The following AFF4 variants were observed in gnomAD, a reference collection of about 807,000 sequenced individuals.
The protein encoded by AFF4 is ALF transcription elongation factor 4.
Under a neutral mutation model 124.8 loss-of-function variants are expected in AFF4, and 13 were observed. The ratio of observed to expected loss-of-function variants is 0.10; its 90% CI spans 0.07 to 0.17. The LOEUF (loss-of-function observed/expected upper bound fraction) is 0.17, where lower values mean the gene tolerates loss of function less well. Ranked by LOEUF, AFF4 falls within the 10% of genes least tolerant of loss-of-function variation. AFF4 has a pLI of 1.00. For synonymous variants in AFF4, 477 were observed against 496.1 expected, an observed-to-expected ratio of 0.96 and a Z score of 0.51; for missense variants, 1,092 against 1,403.8, an observed-to-expected ratio of 0.78 and a Z score of 3.55.
In AFF4 at chr5:132,934,735, T is replaced by C. The variant is rs764443824; in HGVS notation, c.330A>G (p.Pro110=). The change falls in exon 3 of 21, where the codon CCA becomes CCG. Residue 110 remains proline (P), a synonymous_variant. Coordinates refer to ENST00000265343, the MANE Select transcript of AFF4 (RefSeq NM_014423.4). ...GGSHQSSKWT[P]VGPAPSTSQS... Reference sequence around the variant, plus strand: ...GAGAAGTGCTGGGTGCGGGTCCTACTGGAGTCCATTTGCTACTCTGATGAG... The same window carrying C: ...GAGAAGTGCTGGGTGCGGGTCCTACCGGAGTCCATTTGCTACTCTGATGAG... 5 of 1,614,166 alleles carry C rather than the reference T, an allele frequency of 3.1e-6. No individual in the cohort carries two copies. The highest frequency in any genetic ancestry group is 4.2e-6 in the Non-Finnish European group (5 of 1,180,034).
At position 132,884,924 on chromosome 5, in the gene AFF4, T is replaced by C; in HGVS notation, c.3143+152A>G. 3 of 538,682 alleles carry C rather than the reference T, an allele frequency of 5.6e-6. No individual in the cohort carries two copies. The Admixed American group carries it at 1.1e-4, about 19-fold the overall frequency. 33.4% of individuals were successfully genotyped at this position (538,682 alleles called of 1,614,324 possible). The stretch of plus-strand genomic sequence containing the variant: ...ATTTATATTTTCAATTCCTAAAAAA[T>C]ACAGAGAAAAAATTATAACTTCTAA... On this transcript the variant is annotated intron_variant, in intron 19 of 20. Coordinates refer to ENST00000265343, the MANE Select transcript of AFF4 (RefSeq NM_014423.4).
At chr5:132,885,296 AATT>A (rs1391959165) in intron 18 of AFF4, among the ~76,000 whole-genome samples, 177 bp from the exon 19 acceptor site, 5 of 151,572 alleles carry the variant, frequency 3.3e-5, no homozygotes, top group African/African-American at 4.9e-5. Context: ...AAAAGAAATA[AATT>A]ATTAGGTGAG....
At position 132,915,572 on chromosome 5, in the gene AFF4, T is replaced by TG. The variant is rs553722862; in HGVS notation, c.1051-11169_1051-11168insC. Among the ~76,000 whole-genome samples the TG allele has an allele frequency of 6.1e-3, 883 of 145,418 alleles. 11 individuals are homozygous for TG. Among genetic ancestry groups the TG allele is most frequent in the Non-Finnish European group, 9.7e-3 (644 of 66,080 alleles). Reference sequence around the variant, plus strand: ...TGACCCACTTCTTTTTTTTGGGTTTTTTTTTTTTTTTTTGAGATGGAGTCT... The same window carrying TG: ...TGACCCACTTCTTTTTTTTGGGTTTTGTTTTTTTTTTTTTGAGATGGAGTCT... On this transcript the variant is annotated intron_variant, in intron 5 of 20. Coordinates refer to ENST00000265343, the MANE Select transcript of AFF4 (RefSeq NM_014423.4).
At chr5:132,955,006 T>G (rs960281211) in intron 1 of AFF4, among the ~76,000 whole-genome samples, 5 of 152,198 alleles carry the variant, frequency 3.3e-5, no homozygotes, top group African/African-American at 1.2e-4. Flanking sequence ...GGATGCTGAA[T>G]GCAGAGATTG....
intron 1 of AFF4, among the ~76,000 whole-genome samples, chr5:132,939,514 T>C (rs2150102599): frequency 6.6e-6 from 1 of 152,364 alleles, no homozygotes; most frequent in South Asian, 2.1e-4. Context: ...TCTTGGGCTA[T>C]GGTTCTGCCA....
chr5:132,927,326 T>C, intron 4 of AFF4, 119 bp from the exon 5 acceptor site: 2 of 786,032 alleles, frequency 2.5e-6, no homozygotes, highest in Non-Finnish European at 4.1e-6. Flanking sequence ...AAATTCTACA[T>C]ACTTAGTCAA....
intron 1 of AFF4, among the ~76,000 whole-genome samples, chr5:132,945,613 A>G (rs548987579): frequency 6.6e-6 from 1 of 152,192 alleles, no homozygotes; most frequent in East Asian, 1.9e-4. Context: ...TTAGCTGGGC[A>G]TGGTGGTGGG....
intron 6 of AFF4, 107 bp from the exon 7 acceptor site, chr5:132,902,594 T>C: frequency 1.1e-6 from 1 of 889,450 alleles, no homozygotes; most frequent in South Asian, 1.5e-5. Flanking sequence ...TGAAATATAA[T>C]TCTTCAACCA....
intron 9 of AFF4, among the ~76,000 whole-genome samples, chr5:132,898,644 C>T (rs565969224): frequency 3.3e-5 from 5 of 152,140 alleles, no homozygotes; most frequent in East Asian, 3.9e-4. Flanking sequence ...CCACCACGCC[C>T]GGCTAATTTC....
intron 10 of AFF4, among the ~76,000 whole-genome samples, chr5:132,897,474 G>A (rs891007894): frequency 5.3e-5 from 8 of 152,164 alleles, no homozygotes; most frequent in Admixed American, 4.6e-4. Flanking sequence ...CACTTTGGGA[G>A]GCTGAGGTGG....
chr5:132,930,734 A>C (rs2150095487), intron 4 of AFF4, among the ~76,000 whole-genome samples: 1 of 152,228 alleles, frequency 6.6e-6, no homozygotes, highest in Admixed American at 6.5e-5. Flanking sequence ...TCATTCACTA[A>C]TTCACTGGAC....
rs1453827363 is a variant in AFF4, at chr5:132,922,758, G to A, written c.1050+4363C>T. Among the ~76,000 whole-genome samples, 98 of 145,910 alleles carry A rather than the reference G, an allele frequency of 6.7e-4. 1 individual carries two copies. The highest frequency in any genetic ancestry group is 2.3e-3 in the African/African-American group (90 of 39,480). ...TCACGCCACTGCACTCCAGTCTGGC[G>A]GTAGAGCGAGACTCCATCTCAAAAA... On this transcript the variant is annotated intron_variant, in intron 5 of 20. Coordinates refer to ENST00000265343, the MANE Select transcript of AFF4 (RefSeq NM_014423.4).
intron 1 of AFF4, among the ~76,000 whole-genome samples, chr5:132,952,572 T>A (rs1034672097): frequency 2.0e-5 from 3 of 152,148 alleles, no homozygotes; most frequent in Non-Finnish European, 4.4e-5. Context: ...TCATTTTATA[T>A]CCTCTCCTTA....
Position 132,905,818 on chromosome 5 carries a change from G to A in AFF4, c.1051-1414C>T, listed in dbSNP as rs549207910. Among the ~76,000 whole-genome samples, 4 of 152,300 alleles carry A rather than the reference G, an allele frequency of 2.6e-5. 1 individual carries two copies. The East Asian group carries it at 7.7e-4, about 29-fold the overall frequency. Reference sequence around the variant, plus strand: ...AAATTAAGAACTTCTGTGCTTCAAAGATTGTTATCAAAAAAGTGAAAAGAC... The same window carrying A: ...AAATTAAGAACTTCTGTGCTTCAAAAATTGTTATCAAAAAAGTGAAAAGAC... On this transcript the variant is annotated intron_variant, in intron 5 of 20. Transcript: ENST00000265343.
At chr5:132,902,959 A>C (rs569782283) in intron 6 of AFF4, among the ~76,000 whole-genome samples, 2 of 152,230 alleles carry the variant, frequency 1.3e-5, no homozygotes, top group Non-Finnish European at 2.9e-5. Context: ...TTTAAGGTTA[A>C]ACAATGAGCT....
Position 132,934,190 on chromosome 5 carries a change from T to C in AFF4, c.875A>G (p.Lys292Arg), listed in dbSNP as rs530412955. 2 of 1,614,172 alleles carry C rather than the reference T, an allele frequency of 1.2e-6. No homozygotes were observed. The highest frequency in any genetic ancestry group is 1.1e-5 in the South Asian group (1 of 91,086). ...NSMTELKPSSKAHLTKLKIPS... is the reference protein window; with the variant it reads ...NSMTELKPSSRAHLTKLKIPS... ...TATTTTCAGCTTGGTGAGATGTGCTTTGCTGCTGGGCTTCAGCTCAGTCAT... is the reference window on the plus strand; with the variant it reads ...TATTTTCAGCTTGGTGAGATGTGCTCTGCTGCTGGGCTTCAGCTCAGTCAT... Residue 292 changes from lysine to arginine, a missense_variant, in exon 3 of 21, where the codon AAA becomes AGA. Transcript: ENST00000265343.
chr5:132,933,137 C>T (rs533399735), intron 3 of AFF4, among the ~76,000 whole-genome samples: 1 of 152,240 alleles, frequency 6.6e-6, no homozygotes, highest in Admixed American at 6.5e-5. Context: ...GTGGCTCACG[C>T]CTGTAATCCC....
In AFF4 at chr5:132,876,037, T is replaced by C. The variant is rs988561370; in HGVS notation, c.*5022A>G. 5 of 224,674 alleles carry C rather than the reference T, an allele frequency of 2.2e-5. No homozygotes were observed. The highest frequency in any genetic ancestry group is 1.1e-4 in the African/African-American group (5 of 44,850). The allele number at this position is 224,674 out of a possible 1,614,324, so 13.9% of individuals were successfully genotyped here. A position where few individuals can be genotyped will look rare whatever the true frequency, so the allele number is the denominator to read the frequency against. ...CAAATAAAAGGATTTTCAATAAATA[T>C]ATAAGCATTTCCATCCTCCATATAC... On this transcript the variant is annotated 3_prime_UTR_variant, in exon 21 of 21. Coordinates refer to ENST00000265343, the MANE Select transcript of AFF4 (RefSeq NM_014423.4).
chr5:132,876,945 T>C lies in AFF4; in HGVS notation c.*4114A>G, dbSNP rs1759853028. 1 of 197,820 alleles carries C rather than the reference T, an allele frequency of 5.1e-6. No individual in the cohort carries two copies. The highest frequency in any genetic ancestry group is 7.9e-5 in the East Asian group (1 of 12,608). 12.3% of individuals were successfully genotyped at this position (197,820 alleles called of 1,614,324 possible). A position where few individuals can be genotyped will look rare whatever the true frequency, so the allele number is the denominator to read the frequency against. On this transcript the variant is annotated 3_prime_UTR_variant, in exon 21 of 21. Coordinates refer to ENST00000265343, the MANE Select transcript of AFF4 (RefSeq NM_014423.4). ...CATATTCCAAGGTATTCAATAATTA[T>C]CTCTTCTATTAGTTTTACTGAATAG...
Sources: gnomAD v4.1 joint callset for allele counts (sites outside exome capture counted in the v4.1 genomes callset) on GRCh38, gnomAD v4.1.1 for gene constraint, MANE v1.5 for transcripts, NCBI Gene and HGNC (gene_info 2026-07-23, HGNC 2026-07-21) for gene names.